A4GALT: variants seen among roughly 807,000 people sequenced by gnomAD.
The protein encoded by A4GALT is alpha 1,4-galactosyltransferase (P1PK blood group), also known as lactosylceramide 4-alpha-galactosyltransferase.
For synonymous variants in A4GALT, 257 were observed against 220.7 expected (o/e 1.16, Z -1.46); for missense variants, 512 against 486.0 (o/e 1.05, Z -0.50).
At position 42,693,630 on chromosome 22, in the gene A4GALT, A is replaced by G; in HGVS notation, c.322T>C (p.Ser108Pro). Residue 108 changes from serine (S) to proline (P), a missense_variant, in exon 3 of 3, where the codon TCC becomes CCC. Transcript: ENST00000642412. The stretch of plus-strand genomic sequence containing the variant: ...CCTTTCATCAGGACCAGCACGTGGG[A>G]TTCGGGGTGAGTTCTGGCGGCCGAC... ...VESAARTHPE[S>P]HVLVLMKGLP... The G allele has an allele frequency of 6.2e-7, 1 of 1,610,192 alleles. No homozygotes were observed. The highest frequency in any genetic ancestry group is 8.5e-7 in the Non-Finnish European group (1 of 1,178,986).
At chr22:42,703,132 G>C (rs1920936052) in intron 1 of A4GALT, among the ~76,000 whole-genome samples, 1 of 151,216 alleles carries the variant, frequency 6.6e-6, no homozygotes, top group Non-Finnish European at 1.5e-5. Flanking sequence ...GTGTGTGTGT[G>C]TGTGTGTGTG....
Position 42,694,011 on chromosome 22 carries a change from G to T in A4GALT, c.-46-14C>A. The T allele has an allele frequency of 7.0e-7, 1 of 1,433,386 alleles. No homozygotes were observed. The allele number at this position is 1,433,386 out of a possible 1,614,324, so 88.8% of individuals were successfully genotyped here. ...GAACCGGCTGGTCTGCAAGAGATGA[G>T]CACCCGCCATCAGGGAGGCCGTTGG... On this transcript the variant is annotated splice_polypyrimidine_tract_variant and intron_variant, in intron 2 of 2. Transcript: ENST00000642412.
chr22:42,710,915 C>T (rs1921632422), intron 1 of A4GALT, among the ~76,000 whole-genome samples: 1 of 151,560 alleles, frequency 6.6e-6, no homozygotes, highest in Non-Finnish European at 1.5e-5. Context: ...ACCCTAGCTA[C>T]TCAGGAGGCT....
At chr22:42,707,678 C>A (rs7285550) in intron 1 of A4GALT, among the ~76,000 whole-genome samples, 53,738 of 151,952 alleles carry the variant, frequency 0.35, 10,442 homozygotes, top group South Asian at 0.45. Context: ...ACCACCACCA[C>A]CAACAAATAC....
chr22:42,700,561 G>C (rs1396579192), intron 1 of A4GALT, among the ~76,000 whole-genome samples: 9 of 152,204 alleles, frequency 5.9e-5, no homozygotes, highest in Non-Finnish European at 1.5e-5. Context: ...CCTGTGCGTG[G>C]CCAGGCTGGG....
intron 1 of A4GALT, among the ~76,000 whole-genome samples, chr22:42,720,053 C>T (rs971634004): frequency 6.6e-6 from 1 of 152,146 alleles, no homozygotes; most frequent in African/African-American, 2.4e-5. Context: ...ACGGGATGGG[C>T]GCTGGGACCA....
At chr22:42,697,281 A>C (rs1931002457) in intron 1 of A4GALT, among the ~76,000 whole-genome samples, 2 of 140,566 alleles carry the variant, frequency 1.4e-5, no homozygotes, top group South Asian at 4.5e-4. Context: ...CAAGTGGGCC[A>C]GTGCGAAAGG....
rs1324937339 is a variant in A4GALT at position 42,692,219 on chromosome 22, G to T, written c.*671C>A. The T allele has an allele frequency of 1.1e-5, 2 of 187,140 alleles. No individual in the cohort carries two copies. Among genetic ancestry groups the T allele is most frequent in the Non-Finnish European group, 2.3e-5 (2 of 88,424 alleles). The allele number at this position is 187,140 out of a possible 1,614,324, so 11.6% of individuals were successfully genotyped here. On this transcript the variant is annotated 3_prime_UTR_variant, in exon 3 of 3. Transcript: ENST00000642412. This position sits in a 1 kb window ranked among gnomAD's most constrained non-coding sequence, Gnocchi z 4.6. ...TTAAAATGCTTCTCCTGAGCCTAAAGAGCCTCCCCACCCAGCCCCTGTCTG... is the reference window on the plus strand; with the variant it reads ...TTAAAATGCTTCTCCTGAGCCTAAATAGCCTCCCCACCCAGCCCCTGTCTG...
intron 1 of A4GALT, among the ~76,000 whole-genome samples, chr22:42,702,327 A>G (rs1817916392): frequency 1.4e-5 from 2 of 147,748 alleles, no homozygotes; most frequent in East Asian, 2.0e-4. Context: ...CCCCCACCAG[A>G]GGAACACACT....
At position 42,693,399 on chromosome 22, in the gene A4GALT, TC is replaced by T. The variant is rs747585101; in HGVS notation, c.552del (p.Trp184Ter). On this transcript the variant is annotated frameshift_variant, in exon 3 of 3. Transcript: ENST00000642412. LOFTEE classifies it low-confidence loss of function (END_TRUNC). The stretch of plus-strand genomic sequence containing the variant: ...GTGTCCAGGTAGATGCCGCCGAACT[TC>T]CACATGAGTGCGATCCTGGAGGCGT... ...LSDASRIALMWKFGGIYLDTD... is the reference protein window; with the variant it reads ...LSDASRIALMXKFGGIYLDTD... 1 of 1,613,292 alleles carries T rather than the reference TC, an allele frequency of 6.2e-7. No homozygotes were observed. Among genetic ancestry groups the T allele is most frequent in the Non-Finnish European group, 8.5e-7 (1 of 1,179,976 alleles).
At chr22:42,695,295 A>C (rs1930846795) in intron 2 of A4GALT, 196 bp downstream of exon 2, 1 of 152,232 alleles carries the variant, frequency 6.6e-6, no homozygotes, top group South Asian at 2.1e-4. Context: ...CTGGGCATAA[A>C]GTCAAGGGAC....
intron 1 of A4GALT, chr22:42,718,311 G>A (rs1922372596): frequency 6.6e-6 from 1 of 152,114 alleles, no homozygotes; most frequent in South Asian, 2.1e-4. Context: ...GCTCAGGCTG[G>A]AGTGCAGTGG....
chr22:42,698,294 G>A (rs1440928943), intron 1 of A4GALT, among the ~76,000 whole-genome samples: 1 of 150,910 alleles, frequency 6.6e-6, no homozygotes, highest in Non-Finnish European at 1.5e-5. Context: ...GGAGACAGAA[G>A]GCCAAAGGCT....
intron 2 of A4GALT, 35 bp from the exon 3 acceptor site, chr22:42,694,032 G>A (rs1930738680): frequency 1.5e-5 from 19 of 1,278,532 alleles, no homozygotes; most frequent in Non-Finnish European, 1.9e-5. Context: ...CAGGGAGGCC[G>A]TTGGCATTCC....
At chr22:42,704,415 A>G (rs1920957236) in intron 1 of A4GALT, among the ~76,000 whole-genome samples, 1 of 152,082 alleles carries the variant, frequency 6.6e-6, no homozygotes, top group African/African-American at 2.4e-5. Context: ...TAAACCTGGT[A>G]GGCGGAGATT....
chr22:42,706,265 G>A (rs1287718239), intron 1 of A4GALT, among the ~76,000 whole-genome samples: 2 of 143,008 alleles, frequency 1.4e-5, no homozygotes, highest in East Asian at 4.3e-4. Flanking sequence ...TGAGGCAGGA[G>A]AATGGTGTGA....
At chr22:42,716,040 C>T (rs900026707) in intron 1 of A4GALT, among the ~76,000 whole-genome samples, 1 of 152,086 alleles carries the variant, frequency 6.6e-6, no homozygotes, top group Non-Finnish European at 1.5e-5. Context: ...CCATGTTGGT[C>T]AGGCTGGTCT....
intron 1 of A4GALT, among the ~76,000 whole-genome samples, chr22:42,711,256 A>C (rs1921667890): frequency 6.6e-6 from 1 of 152,238 alleles, no homozygotes; most frequent in Non-Finnish European, 1.5e-5. Context: ...ATACTCAGAT[A>C]GCATCTCTCA....
At chr22:42,704,573 G>A (rs4822187) in intron 1 of A4GALT, among the ~76,000 whole-genome samples, 103,918 of 151,328 alleles carry the variant, frequency 0.69, 37,374 homozygotes, top group African/African-American at 0.92. Context: ...GGCTCTTTTC[G>A]GAGCAGAGGT....
Sources: allele counts gnomAD v4.1 joint callset (sites outside exome capture counted in the v4.1 genomes callset), GRCh38; gene constraint gnomAD v4.1.1; non-coding constraint Gnocchi (gnomAD v3.1); transcripts MANE v1.5; gene names NCBI Gene and HGNC (gene_info 2026-07-23, HGNC 2026-07-21).